The following ALOX12 variants were observed in gnomAD, a reference collection of about 807,000 sequenced individuals.
ALOX12 encodes arachidonate 12-lipoxygenase, 12S type.
Under a neutral mutation model 85.5 loss-of-function variants are expected in ALOX12, and 62 were observed. The ratio of observed to expected loss-of-function variants is 0.73; its 90% confidence interval spans 0.59 to 0.90. ALOX12 has a LOEUF of 0.90. Among genes scored for constraint, ALOX12 ranks in the 40% least tolerant of loss-of-function variants. The pLI is 0.00. For missense variants in ALOX12, 751 were observed against 856.5 expected (o/e 0.88, Z 1.54); for synonymous variants, 299 against 332.7 (o/e 0.90, Z 1.10).
rs550452554 is a variant in ALOX12, at chr17:7,009,066, T to G, written c.1541-681T>G. ...CGACCACGCATCCCTCAATTGGTTT[T>G]TTTTTTTTTTTGAGACAGACTCTCG... On this transcript the variant is annotated intron_variant, in intron 11 of 13. Coordinates refer to ENST00000251535, the MANE Select transcript of ALOX12 (RefSeq NM_000697.3). Among the ~76,000 whole-genome samples, 4 of 151,230 alleles carry G rather than the reference T, an allele frequency of 2.6e-5. No individual in the cohort carries two copies. The East Asian group carries it at 5.8e-4, about 22-fold the overall frequency.
chr17:7,007,804 T>G (rs1470596812), intron 11 of ALOX12, among the ~76,000 whole-genome samples: 1 of 151,868 alleles, frequency 6.6e-6, no homozygotes. Context: ...TCGCTTGAAC[T>G]TGGGAGGCGG....
chr17:6,996,757 G>A lies in ALOX12; in HGVS notation c.136-69G>A, dbSNP rs2073438. 400,865 of 1,517,478 alleles carry A rather than the reference G, an allele frequency of 0.26. 56,706 individuals are homozygous for A. Among genetic ancestry groups the A allele is most frequent in the East Asian group, 0.3 (12,936 of 42,876 alleles). The allele number at this position is 1,517,478 out of a possible 1,614,324, so 94.0% of individuals were successfully genotyped here. ...AGAAACTGAGGTTGCACAGGAGCGC[G>A]GCTCTGTCCTCGAAACGGCCTCAGT... On this transcript the variant is annotated intron_variant, in intron 1 of 13. Coordinates refer to ENST00000251535, the MANE Select transcript of ALOX12 (RefSeq NM_000697.3).
At position 7,010,547 on chromosome 17, in the gene ALOX12, C is replaced by G; in HGVS notation, c.*124C>G. ...TCTATTTCCTCCCCCAGTTAAACCC[C>G]CTACATTAGTATCCCACTAGCCCAG... On this transcript the variant is annotated 3_prime_UTR_variant, in exon 14 of 14. Transcript: ENST00000251535. 4 of 1,205,458 alleles carry G rather than the reference C, an allele frequency of 3.3e-6. No homozygotes were observed. In the South Asian group the frequency reaches 6.5e-5, roughly 20 times the overall value. 74.7% of individuals were successfully genotyped at this position (1,205,458 alleles called of 1,614,324 possible).
chr17:7,009,062 G>GTTTT (rs1177619889), intron 11 of ALOX12, among the ~76,000 whole-genome samples: 1 of 134,620 alleles, frequency 7.4e-6, no homozygotes, highest in Admixed American at 7.5e-5. Flanking sequence ...CCCTCAATTG[G>GTTTT]TTTTTTTTTT....
rs1908722085 is a variant in ALOX12, at chr17:7,001,745, C to T, written c.1095C>T (p.His365=). ...HEIQYHLLNT[H]LVAEVIAVAT... ...TCCAGTATCACTTGCTGAACACTCA[C>T]CTGGTGGCTGAGGTCATCGCTGTCG... Residue 365 remains histidine (H), a synonymous_variant, in exon 8 of 14, where the codon CAC becomes CAT. Coordinates refer to ENST00000251535, the MANE Select transcript of ALOX12 (RefSeq NM_000697.3). 1 of 1,613,992 alleles carries T rather than the reference C, an allele frequency of 6.2e-7. No homozygotes were observed. Among genetic ancestry groups the T allele is most frequent in the Non-Finnish European group, 8.5e-7 (1 of 1,180,004 alleles).
intron 8 of ALOX12, among the ~76,000 whole-genome samples, chr17:7,004,338 A>T (rs184844066): frequency 7.1e-3 from 39 of 5,494 alleles, no homozygotes; most frequent in Admixed American, 0.041. Flanking sequence ...TTAATATTAA[A>T]TTAAATTTTA....
At chr17:6,998,632 C>T in intron 3 of ALOX12, 42 bp downstream of exon 3, 3 of 1,604,802 alleles carry the variant, frequency 1.9e-6, no homozygotes, top group Non-Finnish European at 2.6e-6. Flanking sequence ...ACCACTGTCC[C>T]ACCCCTTCCC....
intron 1 of ALOX12, among the ~76,000 whole-genome samples, chr17:6,996,469 C>A (rs1199453346): frequency 6.6e-6 from 1 of 152,044 alleles, no homozygotes; most frequent in Admixed American, 6.5e-5. Context: ...CTCCCTTTCC[C>A]GCCCCTGGTC....
In ALOX12 at chr17:7,005,944, C is replaced by T. The variant is rs946205187; in HGVS notation, c.1335C>T (p.Asp445=). 11 of 1,613,166 alleles carry T rather than the reference C, an allele frequency of 6.8e-6. No homozygotes were observed. The highest frequency in any genetic ancestry group is 9.3e-6 in the Non-Finnish European group (11 of 1,179,832). The change falls in exon 10 of 14, where the codon GAC becomes GAT. Residue 445 remains aspartate (D), a synonymous_variant. Transcript: ENST00000251535. ...QLTYCSLCPP[D]DLADRGLLGL... Reference sequence around the variant, plus strand: ...CCTACTGCTCCCTCTGTCCTCCTGACGACCTGGCTGACCGGGGCCTGCTGG... The same window carrying T: ...CCTACTGCTCCCTCTGTCCTCCTGATGACCTGGCTGACCGGGGCCTGCTGG...
chr17:6,999,427 G>T lies in ALOX12; in HGVS notation c.768G>T (p.Gly256=). The T allele has an allele frequency of 6.2e-7, 1 of 1,614,186 alleles. No individual in the cohort carries two copies. The highest frequency in any genetic ancestry group is 1.3e-5 in the African/African-American group (1 of 75,058). The part of the protein sequence containing the change: ...SLPSRLVLPS[G]MEELQAQLEK... ...CCTCCAGGCTAGTGCTGCCCTCGGG[G>T]ATGGAAGAGCTTCAGGCTCAACTGG... Residue 256 remains glycine, a synonymous_variant, in exon 6 of 14, where the codon GGG becomes GGT. Coordinates refer to ENST00000251535, the MANE Select transcript of ALOX12 (RefSeq NM_000697.3).
Position 6,998,511 on chromosome 17 carries a change from C to A in ALOX12, c.340C>A (p.Arg114Ser). 6.2e-7 allele frequency: 1 copy of A among 1,611,696 alleles called. No individual in the cohort carries two copies. Among genetic ancestry groups the A allele is most frequent in the Admixed American group, 1.7e-5 (1 of 59,948 alleles). Residue 114 changes from arginine (R) to serine (S), a missense_variant and splice_region_variant, in exon 3 of 14, where the codon CGC becomes AGC. Coordinates refer to ENST00000251535, the MANE Select transcript of ALOX12 (RefSeq NM_000697.3). ...DILSLPEGTA[R>S]LPGDNALDMF... ...CAATTGTCTTGATGTCTCCCCAGCC[C>A]GCCTGCCAGGAGACAATGCTTTGGA...
At position 7,000,397 on chromosome 17, in the gene ALOX12, G is replaced by A. The variant is rs149957595; in HGVS notation, c.869G>A (p.Arg290Gln). Reference protein sequence around the residue: ...LLDGIPANVIRGEKQYLAAPL... With the variant: ...LLDGIPANVIQGEKQYLAAPL... ...GATGGAATTCCAGCCAACGTGATCC[G>A]AGGAGAGAAGCAATACCTGGCTGCC... Residue 290 changes from arginine to glutamine, a missense_variant, in exon 7 of 14, where the codon CGA becomes CAA. Transcript: ENST00000251535. This position sits in a 1 kb window ranked among gnomAD's most constrained non-coding sequence, Gnocchi z 4.6. 50 of 1,614,156 alleles carry A rather than the reference G, an allele frequency of 3.1e-5. No homozygotes were observed. Among genetic ancestry groups the A allele is most frequent in the Non-Finnish European group, 4.0e-5 (47 of 1,180,036 alleles).
chr17:6,997,259 T>C, intron 2 of ALOX12: 1 of 522,200 alleles, frequency 1.9e-6, no homozygotes, highest in Non-Finnish European at 2.5e-6. Context: ...GAGTAAGTGA[T>C]CTGGAGATCC....
intron 8 of ALOX12, among the ~76,000 whole-genome samples, chr17:7,004,438 AT>A: frequency 6.8e-6 from 1 of 146,196 alleles, no homozygotes; most frequent in Admixed American, 6.8e-5. Flanking sequence ...ATTAAATTAA[AT>A]TTTAATATTT....
intron 11 of ALOX12, among the ~76,000 whole-genome samples, chr17:7,008,767 G>A (rs1018230417): frequency 1.3e-5 from 2 of 151,626 alleles, no homozygotes; most frequent in African/African-American, 2.4e-5. Flanking sequence ...AAAGATTATC[G>A]GGTCTCTGAG....
At chr17:7,001,515 TCTTA>T in intron 7 of ALOX12, 83 bp from the exon 8 acceptor site, 2 of 1,326,196 alleles carry the variant, frequency 1.5e-6, no homozygotes, top group Non-Finnish European at 2.1e-6. Flanking sequence ...AAGGCAATAA[TCTTA>T]CTTAGTCATC....
intron 11 of ALOX12, chr17:7,009,456 C>T (rs570410366): frequency 3.2e-4 from 107 of 330,842 alleles, no homozygotes; most frequent in Non-Finnish European, 5.0e-4. Flanking sequence ...TTATTACTTA[C>T]TTATTGAGCA....
intron 7 of ALOX12, chr17:7,001,374 AC>A (rs2151640877): frequency 1.8e-6 from 1 of 565,800 alleles, no homozygotes; most frequent in East Asian, 3.0e-5. Context: ...CTCCCACACC[AC>A]TGTTAGGGCC....
At chr17:7,009,890 C>G in intron 12 of ALOX12, 43 bp downstream of exon 12, 1 of 1,613,924 alleles carries the variant, frequency 6.2e-7, no homozygotes, top group Non-Finnish European at 8.5e-7. Flanking sequence ...GCAAGGTGAC[C>G]TGAGGGAGAG....
Sources: allele counts gnomAD v4.1 joint callset (sites outside exome capture counted in the v4.1 genomes callset), GRCh38; gene constraint gnomAD v4.1.1; non-coding constraint Gnocchi (gnomAD v3.1); transcripts MANE v1.5; gene names NCBI Gene and HGNC (gene_info 2026-07-23, HGNC 2026-07-21).